Variants in LRRTM3 observed in about 807,000 individuals in gnomAD.
LRRTM3 encodes the protein leucine rich repeat transmembrane neuronal 3, also known as leucine-rich repeat transmembrane neuronal protein 3.
In LRRTM3, 24 loss-of-function variants were observed where a neutral mutation model predicts 44.7. The ratio of observed to expected loss-of-function variants is 0.54; its 90% CI spans 0.39 to 0.76. The LOEUF (loss-of-function observed/expected upper bound fraction) is 0.76, where lower values mean the gene tolerates loss of function less well. LRRTM3 is among the 30% of genes least tolerant of loss of function. The pLI is 0.00. For synonymous variants in LRRTM3, 277 were observed against 278.7 expected, an observed-to-expected ratio of 0.99 and a Z score of 0.06; for missense variants, 587 against 702.2, an observed-to-expected ratio of 0.84 and a Z score of 1.85.
intron 2 of LRRTM3, among the ~76,000 whole-genome samples, chr10:67,058,093 G>A (rs1564861005): frequency 6.6e-6 from 1 of 152,114 alleles, no homozygotes; most frequent in African/African-American, 2.4e-5. Context: ...TTGCATGCTG[G>A]TGTCTCTTCA....
intron 2 of LRRTM3, among the ~76,000 whole-genome samples, chr10:66,960,441 C>A (rs941918757): frequency 6.6e-6 from 1 of 152,004 alleles, no homozygotes; most frequent in African/African-American, 2.4e-5. Flanking sequence ...CATTTGAAAC[C>A]CTACAGCAAA....
At chr10:67,075,012 T>C (rs1856674414) in intron 2 of LRRTM3, among the ~76,000 whole-genome samples, 1 of 152,186 alleles carries the variant, frequency 6.6e-6, no homozygotes, top group Non-Finnish European at 1.5e-5. Context: ...TACTTAAAGA[T>C]GCATTTGGCA....
At chr10:67,076,988 G>A (rs966346207) in intron 2 of LRRTM3, among the ~76,000 whole-genome samples, 10 of 152,198 alleles carry the variant, frequency 6.6e-5, no homozygotes, top group African/African-American at 1.9e-4. Flanking sequence ...AAAGCAACTT[G>A]CATTGTCTCT....
rs974595548 is a variant in LRRTM3, at chr10:67,099,127, A to G, written c.*1331A>G. 1 of 151,948 alleles carries G rather than the reference A, an allele frequency of 6.6e-6. No individual in the cohort carries two copies. Among genetic ancestry groups the G allele is most frequent in the Non-Finnish European group, 1.5e-5 (1 of 67,842 alleles). 9.4% of individuals were successfully genotyped at this position (151,948 alleles called of 1,614,324 possible). A position where few individuals can be genotyped will look rare whatever the true frequency, so the allele number is the denominator to read the frequency against. ...ATGGGATTCACCTCCAAATTATCAA[A>G]GAAATAACTCAGAGTAATTTGACAC... On this transcript the variant is annotated 3_prime_UTR_variant, in exon 3 of 3. Transcript: ENST00000361320.
chr10:67,063,657 G>A (rs1008648143), intron 2 of LRRTM3, among the ~76,000 whole-genome samples: 1 of 152,192 alleles, frequency 6.6e-6, no homozygotes, highest in Admixed American at 6.5e-5. Flanking sequence ...GCTCTTTCGA[G>A]AATAAATACT....
At position 66,927,434 on chromosome 10, in the gene LRRTM3, C is replaced by A; in HGVS notation, c.518C>A (p.Pro173His). 6.2e-7 allele frequency: 1 copy of A among 1,614,140 alleles called. No individual in the cohort carries two copies. Among genetic ancestry groups the A allele is most frequent in the Non-Finnish European group, 8.5e-7 (1 of 1,180,028 alleles). The change falls in exon 2 of 3, where the codon CCT (proline) becomes CAT (histidine). Residue 173 changes from proline to histidine, a missense_variant. Pro to His is a moderately conservative substitution (Grantham distance 77, BLOSUM62 -2). This residue lies in a region of LRRTM3 where 222 missense variants were observed against 323.3 expected (regional missense o/e 0.69). Transcript: ENST00000361320. The surrounding 1 kb of genome is among the most constrained non-coding windows in gnomAD (Gnocchi z 4.7). ...CGGTCTAACTCCCTGAGAACCATCCCTGTGCGAATATTCCAAGACTGCCGC... is the reference window on the plus strand; with the variant it reads ...CGGTCTAACTCCCTGAGAACCATCCATGTGCGAATATTCCAAGACTGCCGC... ...HLRSNSLRTIPVRIFQDCRNL... is the reference protein window; with the variant it reads ...HLRSNSLRTIHVRIFQDCRNL...
chr10:67,086,973 G>A (rs191312996), intron 2 of LRRTM3, among the ~76,000 whole-genome samples: 6 of 152,064 alleles, frequency 3.9e-5, no homozygotes, highest in African/African-American at 1.4e-4. Flanking sequence ...AAAGAAGAAT[G>A]AGATGTTTTC....
intron 2 of LRRTM3, among the ~76,000 whole-genome samples, chr10:66,986,862 G>A (rs1312222923): frequency 6.6e-6 from 1 of 152,008 alleles, no homozygotes; most frequent in African/African-American, 2.4e-5. Flanking sequence ...CCTACTATGG[G>A]ATTACACTAG....
chr10:66,950,839 G>A (rs1020113961), intron 2 of LRRTM3, among the ~76,000 whole-genome samples: 1 of 152,126 alleles, frequency 6.6e-6, no homozygotes, highest in African/African-American at 2.4e-5. Flanking sequence ...TAGAGGCTTC[G>A]CACAGTGCAG....
At chr10:66,970,975 TTTTC>T (rs1400044114) in intron 2 of LRRTM3, among the ~76,000 whole-genome samples, 1 of 152,176 alleles carries the variant, frequency 6.6e-6, no homozygotes, top group Non-Finnish European at 1.5e-5. Context: ...ATTTCAGTTG[TTTTC>T]TTTCCTTTCT....
chr10:67,053,873 T>C (rs184041358), intron 2 of LRRTM3, among the ~76,000 whole-genome samples: 50 of 152,296 alleles, frequency 3.3e-4, no homozygotes, highest in Admixed American at 1.8e-3. Context: ...TGTATATCTA[T>C]GACTTGTGCT....
chr10:67,039,178 T>C (rs1039558049), intron 2 of LRRTM3, among the ~76,000 whole-genome samples: 4 of 152,106 alleles, frequency 2.6e-5, no homozygotes, highest in Non-Finnish European at 5.9e-5. Context: ...TACTTAACAT[T>C]ATAACCAAAA....
intron 2 of LRRTM3, among the ~76,000 whole-genome samples, chr10:66,948,919 T>C (rs1848403999): frequency 6.6e-6 from 1 of 152,160 alleles, no homozygotes; most frequent in Admixed American, 6.5e-5. Context: ...TTAATTAGGC[T>C]TTGTATTAAT....
chr10:66,930,056 AT>A (rs372950376), intron 2 of LRRTM3, among the ~76,000 whole-genome samples: 4,531 of 151,696 alleles, frequency 0.03, 156 homozygotes, highest in African/African-American at 0.086. Flanking sequence ...ATTTTTACTA[AT>A]TTTTTTTTAT....
intron 2 of LRRTM3, among the ~76,000 whole-genome samples, chr10:67,055,225 TAA>T (rs766830369): frequency 5.3e-5 from 8 of 152,190 alleles, no homozygotes; most frequent in Non-Finnish European, 8.8e-5. Flanking sequence ...ACATGGAACA[TAA>T]GTTTGTTTTT....
chr10:67,042,611 G>A (rs1357441118), intron 2 of LRRTM3, among the ~76,000 whole-genome samples: 1 of 151,976 alleles, frequency 6.6e-6, no homozygotes, highest in African/African-American at 2.4e-5. Flanking sequence ...AAGCTAGGAG[G>A]AGAAAGGAAG....
At chr10:66,973,389 T>C (rs1589523549) in intron 2 of LRRTM3, among the ~76,000 whole-genome samples, 1 of 152,174 alleles carries the variant, frequency 6.6e-6, no homozygotes, top group Non-Finnish European at 1.5e-5. Flanking sequence ...ATAATTTGTA[T>C]TAACAAATGA....
chr10:67,091,770 G>A (rs1857659017), intron 2 of LRRTM3, among the ~76,000 whole-genome samples: 1 of 151,892 alleles, frequency 6.6e-6, no homozygotes, highest in South Asian at 2.1e-4. Context: ...CAAGAGACAG[G>A]GAGTCAAAGT....
At chr10:66,978,747 A>G (rs1850229597) in intron 2 of LRRTM3, among the ~76,000 whole-genome samples, 2 of 146,030 alleles carry the variant, frequency 1.4e-5, no homozygotes, top group Non-Finnish European at 3.1e-5. Flanking sequence ...ACATTATTTT[A>G]TAAAGGATTT....
Sources: gnomAD v4.1 joint callset for allele counts (sites outside exome capture counted in the v4.1 genomes callset) on GRCh38, gnomAD v4.1.1 for gene constraint, gnomAD v4.1.1 regional missense constraint, Gnocchi (gnomAD v3.1) non-coding constraint, MANE v1.5 for transcripts, NCBI Gene and HGNC (gene_info 2026-07-23, HGNC 2026-07-21) for gene names.